PFKFB4: variants seen among roughly 807,000 people sequenced by gnomAD.
PFKFB4 encodes the protein 6-phosphofructo-2-kinase/fructose-2,6-biphosphatase 4, also known as 6-phosphofructo-2-kinase/fructose-2,6-bisphosphatase 4.
A neutral mutation model predicts 62.8 loss-of-function variants in PFKFB4; 42 were observed. The ratio of observed to expected loss-of-function variants is 0.67; its 90% confidence interval spans 0.52 to 0.86. The LOEUF is 0.86. Ranked by LOEUF, PFKFB4 falls within the 40% of genes least tolerant of loss-of-function variation. PFKFB4 has a pLI of 0.00. For missense variants in PFKFB4, 475 were observed against 627.2 expected (o/e 0.76, Z 2.59); for synonymous variants, 204 against 240.7 (o/e 0.85, Z 1.41).
chr3:48,537,922 C>A (rs939278654), intron 7 of PFKFB4, among the ~76,000 whole-genome samples: 2 of 152,182 alleles, frequency 1.3e-5, no homozygotes, highest in East Asian at 3.8e-4. Context: ...TGTCTCTCCA[C>A]AATGACGAGT....
chr3:48,559,439 A>C (rs2043397532), upstream of PFKFB4: 2 of 450,096 alleles, frequency 4.4e-6, no homozygotes, highest in Non-Finnish European at 9.0e-6. Flanking sequence ...GCATGGACTC[A>C]GCTCAACTCC....
chr3:48,559,544 T>A (rs2043399437), upstream of PFKFB4: 1 of 457,052 alleles, frequency 2.2e-6, no homozygotes. Context: ...TCCATGGAGA[T>A]GCTGTCCCAG....
In PFKFB4 at chr3:48,556,602, A is replaced by T. The variant is rs1161703522; in HGVS notation, c.97+79T>A. ...CCCATCTGTCTCCCGCCCCTTCTCC[A>T]TGCGAGACCCCCGCCCAGGCCGCCC... On this transcript the variant is annotated intron_variant, in intron 1 of 13. Coordinates refer to ENST00000232375, the MANE Select transcript of PFKFB4 (RefSeq NM_004567.4). This position sits in a 1 kb window ranked among gnomAD's most constrained non-coding sequence, Gnocchi z 5.7. 5 of 1,430,156 alleles carry T rather than the reference A, an allele frequency of 3.5e-6. No individual in the cohort carries two copies. In the East Asian group the frequency reaches 1.3e-4, roughly 36 times the overall value. The allele number at this position is 1,430,156 out of a possible 1,614,324, so 88.6% of individuals were successfully genotyped here. A position where few individuals can be genotyped will look rare whatever the true frequency, so the allele number is the denominator to read the frequency against.
chr3:48,543,167 C>T (rs1308038042), intron 4 of PFKFB4, among the ~76,000 whole-genome samples: 1 of 152,202 alleles, frequency 6.6e-6, no homozygotes, highest in Non-Finnish European at 1.5e-5. Flanking sequence ...TTCCGTCTGA[C>T]TAGAAGGGCC....
At chr3:48,530,705 G>GTTTTC (rs970660234) in intron 9 of PFKFB4, among the ~76,000 whole-genome samples, 1 of 151,030 alleles carries the variant, frequency 6.6e-6, no homozygotes, top group East Asian at 1.9e-4. Flanking sequence ...GTTTTGTTTT[G>GTTTTC]TTTTCTTTTC....
chr3:48,538,438 C>T, intron 7 of PFKFB4, 60 bp downstream of exon 7: 1 of 1,593,982 alleles, frequency 6.3e-7, no homozygotes, highest in Non-Finnish European at 8.6e-7. Context: ...AGGAGGCAGC[C>T]AAGTATGACC....
At chr3:48,561,053 C>A (rs763948092), upstream of PFKFB4, 18 of 1,281,992 alleles carry the variant, frequency 1.4e-5, no homozygotes, top group Non-Finnish European at 1.7e-5. The surrounding 1 kb of genome is among the most constrained non-coding windows in gnomAD (Gnocchi z 5.2). Context: ...CGTGCCTACC[C>A]CGCCTGCTGC....
At chr3:48,541,409 G>A (rs1420021896) in intron 4 of PFKFB4, among the ~76,000 whole-genome samples, 2 of 151,932 alleles carry the variant, frequency 1.3e-5, no homozygotes, top group East Asian at 3.9e-4. Flanking sequence ...GATTACAGGT[G>A]TGAGCCACCG....
intron 7 of PFKFB4, among the ~76,000 whole-genome samples, chr3:48,537,790 G>C (rs968852307): frequency 5.9e-5 from 9 of 152,040 alleles, no homozygotes; most frequent in African/African-American, 2.2e-4. Context: ...CTCCCAAAGT[G>C]CTAGGATTAC....
chr3:48,540,989 C>A (rs953627882), intron 4 of PFKFB4, among the ~76,000 whole-genome samples: 5 of 151,924 alleles, frequency 3.3e-5, no homozygotes, highest in African/African-American at 1.2e-4. Context: ...GTTGGGCAGG[C>A]TGGTCTCGAA....
chr3:48,562,737 G>T (rs779191515), upstream of PFKFB4: 68 of 1,483,434 alleles, frequency 4.6e-5, no homozygotes, highest in Non-Finnish European at 5.6e-5. This position sits in a 1 kb window ranked among gnomAD's most constrained non-coding sequence, Gnocchi z 4.3. Flanking sequence ...CTGCCCTCCA[G>T]GTCTTCCCAT....
chr3:48,549,785 A>T, intron 3 of PFKFB4, 79 bp downstream of exon 3: 1 of 885,346 alleles, frequency 1.1e-6, no homozygotes, highest in African/African-American at 1.6e-5. Context: ...CTTCTCAGTA[A>T]ATGGTCAGTA....
In PFKFB4 at chr3:48,527,442, G is replaced by GA. The variant is rs1246442121; in HGVS notation, c.988-1774dup. ...ACTACAGGTGTGCGCCACCACACTTGAATACTAACACATATTTTGGTACCA... is the reference window on the plus strand; with the variant it reads ...ACTACAGGTGTGCGCCACCACACTTGAAATACTAACACATATTTTGGTACCA... On this transcript the variant is annotated intron_variant, in intron 9 of 13. Coordinates refer to ENST00000232375, the MANE Select transcript of PFKFB4 (RefSeq NM_004567.4). Among the ~76,000 whole-genome samples, 6 of 151,966 alleles carry GA rather than the reference G, an allele frequency of 3.9e-5. No individual in the cohort carries two copies. In the South Asian group the frequency reaches 6.2e-4, roughly 16 times the overall value.
intron 13 of PFKFB4, among the ~76,000 whole-genome samples, chr3:48,520,371 C>T (rs1343460991): frequency 1.3e-5 from 2 of 152,186 alleles, no homozygotes; most frequent in African/African-American, 4.8e-5. Flanking sequence ...GCCTGTCGGG[C>T]TCAGGGAGTC....
chr3:48,547,433 G>C (rs542479426), intron 3 of PFKFB4, among the ~76,000 whole-genome samples: 2 of 152,172 alleles, frequency 1.3e-5, no homozygotes, highest in South Asian at 4.2e-4. Flanking sequence ...CTGTGTGCAG[G>C]AGTATGAGTG....
At chr3:48,557,133 C>T (rs1199348342), upstream of PFKFB4, 2 of 320,800 alleles carry the variant, frequency 6.2e-6, no homozygotes, top group Non-Finnish European at 5.2e-6. Context: ...CTCTCCCAAC[C>T]TGCCCGCGCT....
upstream of PFKFB4, chr3:48,556,991 C>A: frequency 5.1e-6 from 7 of 1,380,318 alleles, no homozygotes; most frequent in Non-Finnish European, 6.5e-6. This position sits in a 1 kb window ranked among gnomAD's most constrained non-coding sequence, Gnocchi z 5.7. Context: ...ACCTACCCGC[C>A]CGTTTTGGAA....
At chr3:48,526,631 A>T (rs1056217967) in intron 9 of PFKFB4, among the ~76,000 whole-genome samples, 1 of 150,870 alleles carries the variant, frequency 6.6e-6, no homozygotes, top group Non-Finnish European at 1.5e-5. Context: ...AAATCCAGTC[A>T]TTGGTGTCCT....
In PFKFB4 at chr3:48,556,245, G is replaced by A. The variant is rs758302158; in HGVS notation, c.97+436C>T. 5 of 468,918 alleles carry A rather than the reference G, an allele frequency of 1.1e-5. No homozygotes were observed. The highest frequency in any genetic ancestry group is 1.7e-5 in the Non-Finnish European group (4 of 235,612). 29.0% of individuals were successfully genotyped at this position (468,918 alleles called of 1,614,324 possible). Reference sequence around the variant, plus strand: ...CACCTTTGAAAGTTCTGGGCTCAGAGAGGCCAAGTAATTCACCTAGGGCCA... The same window carrying A: ...CACCTTTGAAAGTTCTGGGCTCAGAAAGGCCAAGTAATTCACCTAGGGCCA... On this transcript the variant is annotated intron_variant, in intron 1 of 13. Transcript: ENST00000232375. The surrounding 1 kb of genome is among the most constrained non-coding windows in gnomAD (Gnocchi z 5.7).
Sources: gnomAD v4.1 joint callset for allele counts (sites outside exome capture counted in the v4.1 genomes callset) on GRCh38, gnomAD v4.1.1 for gene constraint, Gnocchi (gnomAD v3.1) non-coding constraint, MANE v1.5 for transcripts, NCBI Gene and HGNC (gene_info 2026-07-23, HGNC 2026-07-21) for gene names.